Variants in NR2C2 observed in about 807,000 individuals in gnomAD.
NR2C2 encodes the protein nuclear receptor subfamily 2 group C member 2.
In NR2C2, 6 loss-of-function variants were observed where a neutral mutation model predicts 62.9. That is an observed-to-expected ratio of 0.10 (90% confidence interval 0.05 to 0.19). The LOEUF is 0.19. NR2C2 is among the 10% of genes least tolerant of loss of function. The pLI, the probability that NR2C2 is intolerant of heterozygous loss-of-function variation, is 1.00. For synonymous variants in NR2C2, 272 were observed against 273.8 expected (o/e 0.99, Z 0.07); for missense variants, 479 against 762.7 (o/e 0.63, Z 4.38).
chr3:14,987,137 C>G (rs374695942), intron 1 of NR2C2, among the ~76,000 whole-genome samples: 1 of 152,080 alleles, frequency 6.6e-6, no homozygotes, highest in African/African-American at 2.4e-5. Flanking sequence ...GGCTGGAGTC[C>G]AGTGGCAGGA....
At position 14,976,663 on chromosome 3, in the gene NR2C2, G is replaced by T. The variant is rs182136364; in HGVS notation, c.-39-27213G>T. On this transcript the variant is annotated intron_variant, in intron 1 of 13. Transcript: ENST00000425241. ...CTGTATTAGCTTCCTAGGAAAGGGT[G>T]CATCAGAGGTGATTTTCAAAAATCT... is the stretch of plus-strand genomic sequence containing the variant. 1.5e-5 allele frequency among the ~76,000 whole-genome samples: 2 copies of T among 136,898 alleles called. 1 individual carries two copies. Among genetic ancestry groups the T allele is most frequent in the Non-Finnish European group, 3.1e-5 (2 of 65,278 alleles). The allele number at this position is 136,898 out of a possible 152,430, so 89.8% of individuals were successfully genotyped here. A position where few individuals can be genotyped will look rare whatever the true frequency, so the allele number is the denominator to read the frequency against.
Position 14,995,671 on chromosome 3 carries a change from G to A in NR2C2, c.-39-8205G>A, listed in dbSNP as rs559560367. ...TTCTGTGGACACGTTTTCATTACGT[G>A]TGTGTGTGTGTGTGTGTGTGTACAC... is the stretch of plus-strand genomic sequence containing the variant. On this transcript the variant is annotated intron_variant, in intron 1 of 13. Transcript: ENST00000425241. Among the ~76,000 whole-genome samples, 4 of 149,304 alleles carry A rather than the reference G, an allele frequency of 2.7e-5. No individual in the cohort carries two copies. The East Asian group carries it at 7.8e-4, about 29-fold the overall frequency.
At chr3:15,007,991 C>T (rs531538602) in intron 2 of NR2C2, among the ~76,000 whole-genome samples, 2 of 152,202 alleles carry the variant, frequency 1.3e-5, no homozygotes, top group South Asian at 2.1e-4. Context: ...AGCCCTTTCT[C>T]GGGTGTTTAC....
intron 1 of NR2C2, among the ~76,000 whole-genome samples, chr3:14,965,829 A>G (rs2039837491): frequency 2.0e-5 from 3 of 151,322 alleles, no homozygotes; most frequent in African/African-American, 7.3e-5. Flanking sequence ...ATGCCTGGCT[A>G]ATTTTTTGTA....
At chr3:14,983,057 T>A (rs915203074) in intron 1 of NR2C2, among the ~76,000 whole-genome samples, 1 of 152,210 alleles carries the variant, frequency 6.6e-6, no homozygotes. Context: ...AATAATTACA[T>A]CAGGGTAAAT....
At chr3:14,983,367 G>A (rs1275262719) in intron 1 of NR2C2, among the ~76,000 whole-genome samples, 1 of 151,166 alleles carries the variant, frequency 6.6e-6, no homozygotes, top group Non-Finnish European at 1.5e-5. Context: ...TTTTTGATCA[G>A]GTAATGTGAA....
chr3:15,034,618 C>T lies in NR2C2; in HGVS notation c.1233-52C>T, dbSNP rs1290417070. ...ACTTAGTGCCTGGATGCCCCACAAC[C>T]TTGGAGAAATGCCAACACACACCAC... On this transcript the variant is annotated intron_variant, in intron 10 of 13. Transcript: ENST00000425241. 2.5e-6 allele frequency: 4 copies of T among 1,589,748 alleles called. No homozygotes were observed. In the East Asian group the frequency reaches 6.8e-5, roughly 27 times the overall value.
chr3:15,035,587 A>G (rs532258577), intron 11 of NR2C2, among the ~76,000 whole-genome samples: 7 of 152,348 alleles, frequency 4.6e-5, no homozygotes, highest in Non-Finnish European at 8.8e-5. Flanking sequence ...CCCAGATGAA[A>G]CAGTAAGTAC....
intron 1 of NR2C2, among the ~76,000 whole-genome samples, chr3:14,999,696 T>G (rs2040934564): frequency 6.6e-6 from 1 of 152,024 alleles, no homozygotes; most frequent in Non-Finnish European, 1.5e-5. Flanking sequence ...TAGTGCAAGG[T>G]AGGTGTCCAG....
At chr3:15,019,525 C>T (rs1377166644) in intron 4 of NR2C2, among the ~76,000 whole-genome samples, 1 of 152,130 alleles carries the variant, frequency 6.6e-6, no homozygotes, top group African/African-American at 2.4e-5. Flanking sequence ...GCTTAAGTAT[C>T]CAACAGCGGA....
intron 1 of NR2C2, among the ~76,000 whole-genome samples, chr3:14,982,993 G>A (rs1390897484): frequency 2.0e-5 from 3 of 152,026 alleles, no homozygotes; most frequent in East Asian, 3.9e-4. Flanking sequence ...ATACATAGTA[G>A]GTGTATATAT....
At chr3:15,019,356 A>G (rs372738483) in intron 4 of NR2C2, among the ~76,000 whole-genome samples, 3 of 152,352 alleles carry the variant, frequency 2.0e-5, no homozygotes, top group African/African-American at 7.2e-5. Flanking sequence ...AGAAAACTGT[A>G]TGGAGGTTCT....
intron 8 of NR2C2, among the ~76,000 whole-genome samples, 179 bp from the exon 9 acceptor site, chr3:15,030,096 A>G (rs1460986255): frequency 6.6e-6 from 1 of 152,196 alleles, no homozygotes; most frequent in Non-Finnish European, 1.5e-5. Flanking sequence ...AGGCCAAGGC[A>G]GGTAGATCAC....
rs761024411 is a variant in NR2C2, at chr3:15,048,990, TG to T, written c.*5983del. ...TTTTAATGCCAGGTTTAAAACCTGT[TG>T]AAAGCTGCAGCTTTATACAGCTTTC... On this transcript the variant is annotated 3_prime_UTR_variant, in exon 14 of 14. Coordinates refer to ENST00000425241, the MANE Select transcript of NR2C2 (RefSeq NM_001291694.2). 10 of 152,814 alleles carry T rather than the reference TG, an allele frequency of 6.5e-5. No homozygotes were observed. Among genetic ancestry groups the T allele is most frequent in the Non-Finnish European group, 1.5e-4 (10 of 68,036 alleles). 9.5% of individuals were successfully genotyped at this position (152,814 alleles called of 1,614,324 possible).
intron 1 of NR2C2, among the ~76,000 whole-genome samples, chr3:14,970,746 G>T (rs1297137189): frequency 6.6e-6 from 1 of 152,072 alleles, no homozygotes. Context: ...TGGGCATTTG[G>T]GTTGCTTCAA....
intron 1 of NR2C2, among the ~76,000 whole-genome samples, chr3:14,953,894 C>CAAAAAAAAAAAA (rs538255184): frequency 1.5e-4 from 11 of 74,318 alleles, no homozygotes; most frequent in African/African-American, 4.1e-4. Flanking sequence ...GACTTCATCT[C>CAAAAAAAAAAAA]AAAAAAAAAA....
At chr3:14,983,878 T>G (rs1247459519) in intron 1 of NR2C2, among the ~76,000 whole-genome samples, 1 of 152,030 alleles carries the variant, frequency 6.6e-6, no homozygotes, top group African/African-American at 2.4e-5. Context: ...TGTTTTGTAT[T>G]TTTTTATTAT....
At chr3:14,994,439 C>CTTTTTTTTTTTTTT (rs4038325) in intron 1 of NR2C2, among the ~76,000 whole-genome samples, 1 of 89,586 alleles carries the variant, frequency 1.1e-5, no homozygotes, top group Non-Finnish European at 2.1e-5. Context: ...TTTATTCATT[C>CTTTTTTTTTTTTTT]TTTTTTTTTT....
At chr3:15,041,396 T>A (rs574546426) in intron 13 of NR2C2, among the ~76,000 whole-genome samples, 2 of 152,124 alleles carry the variant, frequency 1.3e-5, no homozygotes, top group African/African-American at 4.8e-5. Flanking sequence ...CCCTGCAAGA[T>A]TGGAGCACAG....
Sources: gnomAD v4.1 joint callset for allele counts (sites outside exome capture counted in the v4.1 genomes callset) on GRCh38, gnomAD v4.1.1 for gene constraint, MANE v1.5 for transcripts, NCBI Gene and HGNC (gene_info 2026-07-23, HGNC 2026-07-21) for gene names.